Variants in NIM1K observed in about 807,000 individuals in gnomAD.
NIM1K encodes the protein serine/threonine-protein kinase NIM1.
In NIM1K, 35 loss-of-function variants were observed where a neutral mutation model predicts 37.1. The ratio of observed to expected loss-of-function variants is 0.94; its 90% confidence interval spans 0.72 to 1.25. The LOEUF is 1.25. NIM1K is among the 50% of genes most tolerant of loss of function. NIM1K has a pLI of 0.00. For missense variants in NIM1K, 564 were observed against 548.0 expected, an observed-to-expected ratio of 1.03 and a Z score of -0.29; for synonymous variants, 234 against 206.6, an observed-to-expected ratio of 1.13 and a Z score of -1.14.
At chr5:43,206,675 C>G in intron 1 of NIM1K, 1 of 690,660 alleles carries the variant, frequency 1.4e-6, no homozygotes, top group Admixed American at 2.0e-5. Context: ...CTCCCAAGGC[C>G]ACTCCCCCAG....
intron 2 of NIM1K, 63 bp from the exon 3 acceptor site, chr5:43,276,994 C>A: frequency 6.5e-7 from 1 of 1,527,212 alleles, no homozygotes; most frequent in Non-Finnish European, 9.0e-7. Flanking sequence ...TGATCCAGGT[C>A]CTCTCCAGTT....
At chr5:43,265,810 G>A (rs1753138563) in intron 2 of NIM1K, among the ~76,000 whole-genome samples, 1 of 152,148 alleles carries the variant, frequency 6.6e-6, no homozygotes, top group African/African-American at 2.4e-5. Flanking sequence ...TTTTGGTGTG[G>A]ATGTCCTTTC....
chr5:43,240,032 G>A (rs1752677025), intron 1 of NIM1K, among the ~76,000 whole-genome samples: 1 of 151,890 alleles, frequency 6.6e-6, no homozygotes, highest in Admixed American at 6.5e-5. Context: ...TATGTAAGGT[G>A]GCAACACATT....
Position 43,199,204 on chromosome 5 carries a change from AATATATATATAT to A in NIM1K, c.-695+6816_-695+6827del, listed in dbSNP as rs1162677436. 4.9e-3 allele frequency among the ~76,000 whole-genome samples: 455 copies of A among 93,762 alleles called. 5 individuals are homozygous for A. The highest frequency in any genetic ancestry group is 0.026 in the Middle Eastern group (4 of 156). The allele number at this position is 93,762 out of a possible 152,430, so 61.5% of individuals were successfully genotyped here. On this transcript the variant is annotated intron_variant, in intron 1 of 3. Coordinates refer to ENST00000326035, the MANE Select transcript of NIM1K (RefSeq NM_153361.4). Reference sequence around the variant, plus strand: ...GCTCTGTCTCCAAAAAAAAAAAAAAAATATATATATATATATATATATATATATATATATGAA... The same window carrying A: ...GCTCTGTCTCCAAAAAAAAAAAAAAAATATATATATATATATATATATGAA...
At chr5:43,223,218 G>A (rs1752406850) in intron 1 of NIM1K, among the ~76,000 whole-genome samples, 1 of 150,424 alleles carries the variant, frequency 6.6e-6, no homozygotes, top group Non-Finnish European at 1.5e-5. Flanking sequence ...TGGTGCTTAA[G>A]AACCCTGAGG....
At chr5:43,235,893 T>C (rs1252373336) in intron 1 of NIM1K, among the ~76,000 whole-genome samples, 1 of 151,742 alleles carries the variant, frequency 6.6e-6, no homozygotes, top group East Asian at 1.9e-4. Flanking sequence ...GAACAGAGCC[T>C]GGAAATGGCC....
intron 1 of NIM1K, among the ~76,000 whole-genome samples, chr5:43,204,177 T>TG (rs1460234261): frequency 7.7e-6 from 1 of 130,288 alleles, no homozygotes; most frequent in African/African-American, 2.9e-5. Flanking sequence ...CTCCGCTTCC[T>TG]GGGGGGTTCA....
At chr5:43,271,792 CCTT>C (rs1310457571) in intron 2 of NIM1K, among the ~76,000 whole-genome samples, 1 of 152,070 alleles carries the variant, frequency 6.6e-6, no homozygotes, top group East Asian at 1.9e-4. Flanking sequence ...TCACAAGGGC[CCTT>C]CAAGTGGCTC....
At chr5:43,238,427 T>C (rs1752652179) in intron 1 of NIM1K, among the ~76,000 whole-genome samples, 1 of 152,018 alleles carries the variant, frequency 6.6e-6, no homozygotes, top group South Asian at 2.1e-4. Context: ...GCATTTGTTC[T>C]GGTTTTATGG....
At chr5:43,277,765 C>G (rs2111568491) in intron 3 of NIM1K, among the ~76,000 whole-genome samples, 1 of 150,038 alleles carries the variant, frequency 6.7e-6, no homozygotes, top group African/African-American at 2.5e-5. Flanking sequence ...TCTCTCTCCC[C>G]CACCCCCCCT....
intron 3 of NIM1K, 62 bp from the exon 4 acceptor site, chr5:43,279,918 A>T: frequency 7.4e-7 from 1 of 1,346,462 alleles, no homozygotes; most frequent in Non-Finnish European, 1.0e-6. Context: ...AGAGCAACTG[A>T]TACATTTTTT....
At chr5:43,207,426 ACTG>A (rs1186579667) in intron 1 of NIM1K, 2 of 862,550 alleles carry the variant, frequency 2.3e-6, no homozygotes, top group Non-Finnish European at 4.0e-6. Flanking sequence ...CTTAAAGGAG[ACTG>A]CTATCAGGTT....
chr5:43,204,230 C>T (rs887109368), intron 1 of NIM1K, among the ~76,000 whole-genome samples: 2 of 150,396 alleles, frequency 1.3e-5, no homozygotes, highest in Non-Finnish European at 3.0e-5. Context: ...ATTACAGGCA[C>T]GTACCACCAC....
chr5:43,206,656 C>T lies in NIM1K; in HGVS notation c.-695+14245C>T, dbSNP rs369810225. The T allele has an allele frequency of 1.5e-4, 102 of 680,628 alleles. No homozygotes were observed. The African/African-American group carries it at 1.7e-3, about 11-fold the overall frequency. 42.2% of individuals were successfully genotyped at this position (680,628 alleles called of 1,614,324 possible). ...CCCTGCCTGCTGCAGCCTGACTCGG[C>T]CCCCCAGTCTCCCAAGGCCACTCCC... On this transcript the variant is annotated intron_variant, in intron 1 of 3. Coordinates refer to ENST00000326035, the MANE Select transcript of NIM1K (RefSeq NM_153361.4).
chr5:43,247,429 C>T (rs924935268), intron 2 of NIM1K, among the ~76,000 whole-genome samples: 3 of 152,206 alleles, frequency 2.0e-5, no homozygotes, highest in Admixed American at 1.3e-4. Flanking sequence ...CTCTGTGCAA[C>T]CAAAGATCAA....
chr5:43,272,540 G>T (rs1295143868), intron 2 of NIM1K, among the ~76,000 whole-genome samples: 1 of 152,118 alleles, frequency 6.6e-6, no homozygotes, highest in African/African-American at 2.4e-5. Flanking sequence ...GGAAGGAGAA[G>T]GAGGGCCTGA....
At chr5:43,262,589 TA>T (rs1189176416) in intron 2 of NIM1K, among the ~76,000 whole-genome samples, 1 of 152,164 alleles carries the variant, frequency 6.6e-6, no homozygotes, top group Non-Finnish European at 1.5e-5. Context: ...CCTAATTGAA[TA>T]GCCTTTATTT....
At chr5:43,259,681 A>G (rs1752999313) in intron 2 of NIM1K, among the ~76,000 whole-genome samples, 1 of 152,142 alleles carries the variant, frequency 6.6e-6, no homozygotes. Flanking sequence ...AATTCTGGAT[A>G]TTAGTTCTTT....
chr5:43,234,736 A>T (rs1481589725), intron 1 of NIM1K, among the ~76,000 whole-genome samples: 1 of 152,088 alleles, frequency 6.6e-6, no homozygotes, highest in African/African-American at 2.4e-5. Context: ...CTGGGTTCAA[A>T]CGATTCTCCT....
Sources: allele counts gnomAD v4.1 joint callset (sites outside exome capture counted in the v4.1 genomes callset), GRCh38; gene constraint gnomAD v4.1.1; transcripts MANE v1.5; gene names NCBI Gene and HGNC (gene_info 2026-07-23, HGNC 2026-07-21).